The following SF3B1 variants were observed in gnomAD, a reference collection of about 807,000 sequenced individuals.
SF3B1 encodes splicing factor 3b subunit 1.
SF3B1 carries 12 observed loss-of-function variants against 153.8 expected under a neutral mutation model. The observed-to-expected ratio is 0.08, with a 90% CI of 0.05 to 0.13. The LOEUF (loss-of-function observed/expected upper bound fraction) is 0.13, where lower values mean the gene tolerates loss of function less well. Among genes scored for constraint, SF3B1 ranks in the 10% least tolerant of loss-of-function variants. SF3B1 has a pLI of 1.00. For synonymous variants in SF3B1, 498 were observed against 525.2 expected, an observed-to-expected ratio of 0.95 and a Z score of 0.71; for missense variants, 513 against 1,606.1, an observed-to-expected ratio of 0.32 and a Z score of 11.63.
At chr2:197,398,248 G>T in intron 21 of SF3B1, 132 bp from the exon 22 acceptor site, 1 of 865,596 alleles carries the variant, frequency 1.2e-6, no homozygotes, top group Non-Finnish European at 1.8e-6. Flanking sequence ...TCTTCAGAAA[G>T]GCTGAAGAGT....
chr2:197,392,841 A>G lies in SF3B1; in HGVS notation c.3756+131T>C, dbSNP rs891007125. The G allele has an allele frequency of 6.4e-5, 40 of 627,336 alleles. 1 individual carries two copies. Among genetic ancestry groups the G allele is most frequent in the Middle Eastern group, 4.3e-4 (1 of 2,336 alleles). 38.9% of individuals were successfully genotyped at this position (627,336 alleles called of 1,614,324 possible). A position where few individuals can be genotyped will look rare whatever the true frequency, so the allele number is the denominator to read the frequency against. On this transcript the variant is annotated intron_variant, in intron 24 of 24. Transcript: ENST00000335508. ...CTTAAAACCTAGATGACAGGTTGAT[A>G]GGTGCAGCAAACCACCATGGCACAT...
chr2:197,407,942 C>A, intron 9 of SF3B1, 56 bp downstream of exon 9: 1 of 1,507,988 alleles, frequency 6.6e-7, no homozygotes. Context: ...ATTTTTTTCA[C>A]TATTTAAAAT....
chr2:197,396,017 G>A lies in SF3B1; in HGVS notation c.3539+39C>T, dbSNP rs139757435. 495 of 1,511,826 alleles carry A rather than the reference G, an allele frequency of 3.3e-4. 3 individuals are homozygous for A. The East Asian group carries it at 7.7e-3, about 23-fold the overall frequency. 93.7% of individuals were successfully genotyped at this position (1,511,826 alleles called of 1,614,324 possible). A position where few individuals can be genotyped will look rare whatever the true frequency, so the allele number is the denominator to read the frequency against. ...CACGATGTTCTAAAATGAAGGAAGA[G>A]TTATAATTATTTTCTTGTATTTAGT... On this transcript the variant is annotated intron_variant, in intron 23 of 24. Coordinates refer to ENST00000335508, the MANE Select transcript of SF3B1 (RefSeq NM_012433.4).
At chr2:197,393,906 G>A (rs147401763) in intron 23 of SF3B1, among the ~76,000 whole-genome samples, 96 of 152,048 alleles carry the variant, frequency 6.3e-4, no homozygotes, top group African/African-American at 1.4e-3. Context: ...TTTTCAGGCC[G>A]GACATGGTGG....
At chr2:197,394,504 G>A (rs1411838329) in intron 23 of SF3B1, among the ~76,000 whole-genome samples, 1 of 152,196 alleles carries the variant, frequency 6.6e-6, no homozygotes, top group African/African-American at 2.4e-5. Context: ...CATCTCCTAT[G>A]TTAACTGAAT....
intron 6 of SF3B1, among the ~76,000 whole-genome samples, chr2:197,410,963 G>A (rs139372184): frequency 4.2e-4 from 64 of 152,252 alleles, no homozygotes; most frequent in Middle Eastern, 3.4e-3. Flanking sequence ...TTTTGACACA[G>A]GGTCTCACTC....
chr2:197,419,849 GCTTCCATCAGGCTCA>G (rs777119631), intron 4 of SF3B1: 161 of 226,076 alleles, frequency 7.1e-4, no homozygotes, highest in Non-Finnish European at 1.1e-3. Context: ...CCTGAGGAAA[GCTTCCATCAGGCTCA>G]CTATGCCCCT....
chr2:197,428,180 C>T (rs1288073804), intron 1 of SF3B1, among the ~76,000 whole-genome samples: 1 of 151,702 alleles, frequency 6.6e-6, no homozygotes, highest in Non-Finnish European at 1.5e-5. Context: ...AAAAATTAGT[C>T]ACTACAGGTG....
intron 5 of SF3B1, among the ~76,000 whole-genome samples, chr2:197,417,775 T>G (rs762531342): frequency 6.6e-6 from 1 of 151,634 alleles, no homozygotes; most frequent in Non-Finnish European, 1.5e-5. Context: ...AAACAAAAAG[T>G]AGGCAGTTAT....
intron 3 of SF3B1, 142 bp downstream of exon 3, chr2:197,420,887 A>C (rs902023686): frequency 5.0e-6 from 3 of 599,314 alleles, no homozygotes; most frequent in Non-Finnish European, 8.5e-6. Context: ...TTGTGTCAAA[A>C]AGAAAAAGAT....
rs374250186 is a variant in SF3B1 at position 197,402,636 on chromosome 2, T to C, written c.1997A>G (p.Lys666Arg). Residue 666 changes from lysine to arginine, a missense_variant, in exon 14 of 25, where the codon AAG (lysine) becomes AGG (arginine). Lys to Arg is a conservative substitution (Grantham distance 26, BLOSUM62 2). Transcript: ENST00000335508. The surrounding 1 kb of genome is among the most constrained non-coding windows in gnomAD (Gnocchi z 4.6). Reference protein sequence around the residue: ...KSWQARHTGIKIVQQIAILMG... With the variant: ...KSWQARHTGIRIVQQIAILMG... ...AAGAATAGCTATCTGTTGTACAATC[T>C]TAATACCAGTGTGTCTCGCTTGCCA... 1.1e-5 allele frequency: 17 copies of C among 1,613,940 alleles called. No homozygotes were observed. The highest frequency in any genetic ancestry group is 4.5e-5 in the East Asian group (2 of 44,902).
At chr2:197,434,223 G>A (rs10184295) in intron 1 of SF3B1, among the ~76,000 whole-genome samples, 1,892 of 152,234 alleles carry the variant, frequency 0.012, 36 homozygotes, top group African/African-American at 0.043. Flanking sequence ...CCCATTTTCT[G>A]TCATCTCTGG....
At position 197,409,846 on chromosome 2, in the gene SF3B1, A is replaced by G; in HGVS notation, c.828T>C (p.His276=). The change falls in exon 7 of 25, where the codon CAT becomes CAC. Residue 276 remains histidine, a synonymous_variant. Transcript: ENST00000335508. ...ATPGRGDTPG[H]ATPGHGGATS... ...TTGCGCCTCCATGGCCTGGTGTCGC[A>G]TGGCCTGGTGTATCACCTCGTCCAG... The G allele has an allele frequency of 6.2e-7, 1 of 1,614,090 alleles. No homozygotes were observed. The highest frequency in any genetic ancestry group is 1.1e-5 in the South Asian group (1 of 91,078).
In SF3B1 at chr2:197,416,682, A is replaced by G. The variant is rs140817527; in HGVS notation, c.666+59T>C. ...GCTATGGCAACCCAAGCAGACTAAT[A>G]CAGTCCATAACAGAAAAAAATTTTT... On this transcript the variant is annotated intron_variant, in intron 6 of 24. Coordinates refer to ENST00000335508, the MANE Select transcript of SF3B1 (RefSeq NM_012433.4). 12 of 1,469,092 alleles carry G rather than the reference A, an allele frequency of 8.2e-6. No individual in the cohort carries two copies. The Admixed American group carries it at 2.4e-4, about 29-fold the overall frequency. 91.0% of individuals were successfully genotyped at this position (1,469,092 alleles called of 1,614,324 possible). A position where few individuals can be genotyped will look rare whatever the true frequency, so the allele number is the denominator to read the frequency against.
rs1372899073 is a variant in SF3B1, at chr2:197,421,051, T to C, written c.278A>G (p.Asp93Gly). 1.2e-6 allele frequency: 2 copies of C among 1,609,364 alleles called. No homozygotes were observed. The highest frequency in any genetic ancestry group is 2.7e-5 in the African/African-American group (2 of 74,944). ...CACCTGTTCTGTTGACTGTGGTATA[T>C]CATTAAGCAATGCCACAGGGGCATG... ...GYHAPVALLN[D>G]IPQSTEQYDP... Residue 93 changes from aspartate to glycine, a missense_variant, in exon 3 of 25, where the codon GAT (aspartate) becomes GGT (glycine). Physicochemically the swap from Asp to Gly is moderately conservative, Grantham distance 94. Transcript: ENST00000335508.
chr2:197,418,790 C>G, intron 4 of SF3B1: 1 of 1,482,428 alleles, frequency 6.7e-7, no homozygotes, highest in South Asian at 1.4e-5. Context: ...CAAACATCTA[C>G]AGCAGTTTAA....
intron 1 of SF3B1, among the ~76,000 whole-genome samples, chr2:197,427,416 T>C (rs1477372373): frequency 6.6e-6 from 1 of 152,206 alleles, no homozygotes; most frequent in Non-Finnish European, 1.5e-5. Context: ...ATGTGATCCA[T>C]AAAATTAAGC....
At chr2:197,419,292 G>A in intron 4 of SF3B1, 1 of 297,166 alleles carries the variant, frequency 3.4e-6, no homozygotes, top group Non-Finnish European at 6.3e-6. Flanking sequence ...GAAGCAACGT[G>A]GTGTACAAAG....
In SF3B1 at chr2:197,402,614, A is replaced by C; in HGVS notation, c.2019T>G (p.Ile673Met). 1 of 1,613,962 alleles carries C rather than the reference A, an allele frequency of 6.2e-7. No homozygotes were observed. Among genetic ancestry groups the C allele is most frequent in the Non-Finnish European group, 8.5e-7 (1 of 1,179,856 alleles). The change falls in exon 14 of 25, where the codon ATT becomes ATG. Residue 673 changes from isoleucine to methionine, a missense_variant. Around this residue, in one of 21 missense-constraint regions of SF3B1, gnomAD observed 13 missense variants for 16.1 expected, o/e 0.81. Transcript: ENST00000335508. This position sits in a 1 kb window ranked among gnomAD's most constrained non-coding sequence, Gnocchi z 4.6. ...GTGGCAAGATGGCACAGCCCATAAG[A>C]ATAGCTATCTGTTGTACAATCTTAA... Reference protein sequence around the residue: ...TGIKIVQQIAILMGCAILPHL... With the variant: ...TGIKIVQQIAMLMGCAILPHL...
Sources: gnomAD v4.1 joint callset for allele counts (sites outside exome capture counted in the v4.1 genomes callset) on GRCh38, gnomAD v4.1.1 for gene constraint, gnomAD v4.1.1 regional missense constraint, Gnocchi (gnomAD v3.1) non-coding constraint, MANE v1.5 for transcripts, NCBI Gene and HGNC (gene_info 2026-07-23, HGNC 2026-07-21) for gene names.